BCAS3: variants seen among roughly 807,000 people sequenced by gnomAD.
BCAS3 encodes the protein BCAS4/BCAS3 fusion.
In BCAS3, 53 loss-of-function variants were observed where a neutral mutation model predicts 116.1. That is an observed-to-expected ratio of 0.46 (90% CI 0.37 to 0.57). BCAS3 has a LOEUF of 0.57. Among genes scored for constraint, BCAS3 ranks in the 20% least tolerant of loss-of-function variants. The probability of loss-of-function intolerance (pLI) is 0.00; values close to 1 mark genes in which losing one functional copy is unlikely to be tolerated. For missense variants in BCAS3, 917 were observed against 1,165.4 expected (o/e 0.79, Z 3.10); for synonymous variants, 391 against 408.2 (o/e 0.96, Z 0.51).
At position 61,379,332 on chromosome 17, in the gene BCAS3, G is replaced by A. The variant is rs1200540305; in HGVS notation, c.2593+10838G>A. 1 of 152,214 alleles carries A rather than the reference G, an allele frequency of 6.6e-6. No individual in the cohort carries two copies. The highest frequency in any genetic ancestry group is 1.5e-5 in the Non-Finnish European group (1 of 68,102). 9.4% of individuals were successfully genotyped at this position (152,214 alleles called of 1,614,324 possible). On this transcript the variant is annotated intron_variant, in intron 23 of 23. Transcript: ENST00000407086. The surrounding 1 kb of genome is among the most constrained non-coding windows in gnomAD (Gnocchi z 5.5). ...TCTGCCTTCTCGAAACATGGCCCGA[G>A]ATGTGGAGGCCACCCCCTGGATGTG...
intron 10 of BCAS3, among the ~76,000 whole-genome samples, chr17:60,892,961 A>G (rs1379707840): frequency 2.0e-5 from 3 of 152,128 alleles, no homozygotes; most frequent in African/African-American, 4.8e-5. Flanking sequence ...TTTCACTGGC[A>G]TAAGATGGTA....
chr17:60,982,363 G>C (rs542984515), intron 14 of BCAS3, among the ~76,000 whole-genome samples: 1 of 152,132 alleles, frequency 6.6e-6, no homozygotes, highest in African/African-American at 2.4e-5. Context: ...CTAGAGTACA[G>C]TGGCACAGTC....
Position 61,248,550 on chromosome 17 carries a change from A to G in BCAS3, c.2426-119777A>G, listed in dbSNP as rs1159943996. ...GGGTAATATACAAGATTAGAGTGCA[A>G]AGTCCATCTGGTGAGAATTTGTCTG... On this transcript the variant is annotated intron_variant, in intron 22 of 23. Transcript: ENST00000407086. This position sits in a 1 kb window ranked among gnomAD's most constrained non-coding sequence, Gnocchi z 4.3. 6.6e-6 allele frequency among the ~76,000 whole-genome samples: 1 copy of G among 152,236 alleles called. No individual in the cohort carries two copies. Among genetic ancestry groups the G allele is most frequent in the Non-Finnish European group, 1.5e-5 (1 of 68,018 alleles).
In BCAS3 at chr17:61,323,959, T is replaced by C. The variant is rs2055519948; in HGVS notation, c.2426-44368T>C. On this transcript the variant is annotated intron_variant, in intron 22 of 23. Coordinates refer to ENST00000407086, the MANE Select transcript of BCAS3 (RefSeq NM_017679.5). The surrounding 1 kb of genome is among the most constrained non-coding windows in gnomAD (Gnocchi z 4.6). ...GAAAATGATAGCTCATTGTCAAAGG[T>C]TGGGCGGGAGACGAGGTAAGAACTG... 6.6e-6 allele frequency among the ~76,000 whole-genome samples: 1 copy of C among 152,218 alleles called. No homozygotes were observed. Among genetic ancestry groups the C allele is most frequent in the African/African-American group, 2.4e-5 (1 of 41,456 alleles).
At chr17:60,912,503 G>A (rs562896263) in intron 12 of BCAS3, among the ~76,000 whole-genome samples, 70 of 152,114 alleles carry the variant, frequency 4.6e-4, no homozygotes, top group African/African-American at 1.7e-3. Context: ...TGAAATTCTG[G>A]ATTATTAAAT....
intron 6 of BCAS3, among the ~76,000 whole-genome samples, chr17:60,794,951 T>C (rs1037591388): frequency 2.0e-5 from 3 of 152,136 alleles, no homozygotes; most frequent in African/African-American, 2.4e-5. Context: ...GTGATGGTGG[T>C]ATTTTGATGG....
At chr17:61,137,641 C>T (rs571798569) in intron 22 of BCAS3, among the ~76,000 whole-genome samples, 8 of 152,288 alleles carry the variant, frequency 5.3e-5, no homozygotes, top group African/African-American at 1.7e-4. Context: ...TGGTGGCACA[C>T]GCCTGTAATC....
At chr17:60,822,934 C>T (rs2050085212) in intron 7 of BCAS3, among the ~76,000 whole-genome samples, 1 of 152,160 alleles carries the variant, frequency 6.6e-6, no homozygotes, top group African/African-American at 2.4e-5. Flanking sequence ...CCCAACCATC[C>T]TTACTCTCTC....
In BCAS3 at chr17:61,028,116, T is replaced by A. The variant is rs924269220; in HGVS notation, c.1638-6550T>A. Reference sequence around the variant, plus strand: ...TACACTAGAAAAAAACATTCCAACGTTTTTTCCTCTTGGACAGAAAGAAGC... The same window carrying A: ...TACACTAGAAAAAAACATTCCAACGATTTTTCCTCTTGGACAGAAAGAAGC... On this transcript the variant is annotated intron_variant, in intron 16 of 23. Transcript: ENST00000407086. The surrounding 1 kb of genome is among the most constrained non-coding windows in gnomAD (Gnocchi z 4.3). Among the ~76,000 whole-genome samples, 1 of 151,842 alleles carries A rather than the reference T, an allele frequency of 6.6e-6. No individual in the cohort carries two copies. Among genetic ancestry groups the A allele is most frequent in the Non-Finnish European group, 1.5e-5 (1 of 67,786 alleles).
Position 61,220,958 on chromosome 17 carries a change from G to T in BCAS3, c.2425+136394G>T, listed in dbSNP as rs2082075062. Among the ~76,000 whole-genome samples, 1 of 152,174 alleles carries T rather than the reference G, an allele frequency of 6.6e-6. No individual in the cohort carries two copies. ...TACTAAAAATACAAAAAATTAGCTG[G>T]GCATGGTGGCGGGCGCCTGTAGTCC... On this transcript the variant is annotated intron_variant, in intron 22 of 23. Coordinates refer to ENST00000407086, the MANE Select transcript of BCAS3 (RefSeq NM_017679.5). This position sits in a 1 kb window ranked among gnomAD's most constrained non-coding sequence, Gnocchi z 4.5.
chr17:60,788,461 A>G (rs924501520), intron 6 of BCAS3, among the ~76,000 whole-genome samples: 20 of 152,194 alleles, frequency 1.3e-4, no homozygotes, highest in Non-Finnish European at 8.8e-5. Context: ...GATACCTCAT[A>G]TATTTAACCT....
At chr17:61,328,240 A>G (rs1163177012) in intron 22 of BCAS3, among the ~76,000 whole-genome samples, 3 of 152,206 alleles carry the variant, frequency 2.0e-5, no homozygotes, top group Non-Finnish European at 2.9e-5. Context: ...CTATAGAGAA[A>G]GAAAAAACTA....
At chr17:61,089,475 CT>C (rs746515447) in intron 22 of BCAS3, among the ~76,000 whole-genome samples, 265 of 15,926 alleles carry the variant, frequency 0.017, no homozygotes, top group South Asian at 0.077. Context: ...GAAGAGTATT[CT>C]TTTTTTTTTT....
rs901464166 is a variant in BCAS3, at chr17:61,213,433, G to C, written c.2425+128869G>C. Among the ~76,000 whole-genome samples the C allele has an allele frequency of 2.0e-5, 3 of 152,118 alleles. No homozygotes were observed. Among genetic ancestry groups the C allele is most frequent in the African/African-American group, 7.2e-5 (3 of 41,430 alleles). ...TCCACCCGCCTCGACTTCCCAAAGT[G>C]CTGGGATTACAGGTGTGAGCCACCG... is the stretch of plus-strand genomic sequence containing the variant. On this transcript the variant is annotated intron_variant, in intron 22 of 23. Coordinates refer to ENST00000407086, the MANE Select transcript of BCAS3 (RefSeq NM_017679.5). This position sits in a 1 kb window ranked among gnomAD's most constrained non-coding sequence, Gnocchi z 5.4.
intron 12 of BCAS3, among the ~76,000 whole-genome samples, chr17:60,911,119 C>CT (rs1567849303): frequency 0.063 from 2,136 of 34,098 alleles, 175 homozygotes; most frequent in African/African-American, 0.19. Flanking sequence ...TTCTTTTTTT[C>CT]TTTCTTTTTT....
At chr17:61,334,671 A>AC (rs1568878991) in intron 22 of BCAS3, among the ~76,000 whole-genome samples, 81 of 143,872 alleles carry the variant, frequency 5.6e-4, no homozygotes, top group African/African-American at 1.8e-3. Flanking sequence ...TCTCAAAAAA[A>AC]AAAAAAAAAA....
chr17:61,132,548 G>A lies in BCAS3; in HGVS notation c.2425+47984G>A, dbSNP rs990994178. Among the ~76,000 whole-genome samples the A allele has an allele frequency of 5.3e-5, 8 of 152,088 alleles. No homozygotes were observed. The highest frequency in any genetic ancestry group is 2.1e-4 in the South Asian group (1 of 4,816). ...GGTAAGAATATAGATTGTTTGTGCC[G>A]GGCTTATACAATGGGTCTCTAAACT... On this transcript the variant is annotated intron_variant, in intron 22 of 23. Coordinates refer to ENST00000407086, the MANE Select transcript of BCAS3 (RefSeq NM_017679.5). The surrounding 1 kb of genome is among the most constrained non-coding windows in gnomAD (Gnocchi z 5.1).
rs146982159 is a variant in BCAS3, at chr17:61,236,764, T to TAA, written c.2426-131552_2426-131551dup. Reference sequence around the variant, plus strand: ...GTAAGTGGAGGGATGATGGAGAAGGTAAAAAAAAAAAAGGCTTTTTGGAGA... The same window carrying TAA: ...GTAAGTGGAGGGATGATGGAGAAGGTAAAAAAAAAAAAAAGGCTTTTTGGAGA... On this transcript the variant is annotated intron_variant, in intron 22 of 23. Coordinates refer to ENST00000407086, the MANE Select transcript of BCAS3 (RefSeq NM_017679.5). Among the ~76,000 whole-genome samples, 305 of 142,910 alleles carry TAA rather than the reference T, an allele frequency of 2.1e-3. 2 individuals are homozygous for TAA. Among genetic ancestry groups the TAA allele is most frequent in the Middle Eastern group, 7.5e-3 (2 of 268 alleles). 93.8% of individuals were successfully genotyped at this position (142,910 alleles called of 152,430 possible).
chr17:61,096,912 G>A (rs1214173419), intron 22 of BCAS3, among the ~76,000 whole-genome samples: 1 of 152,146 alleles, frequency 6.6e-6, no homozygotes, highest in African/African-American at 2.4e-5. Flanking sequence ...TCAAACTATA[G>A]CAGTATCAAA....
Sources: gnomAD v4.1 joint callset for allele counts (sites outside exome capture counted in the v4.1 genomes callset) on GRCh38, gnomAD v4.1.1 for gene constraint, Gnocchi (gnomAD v3.1) non-coding constraint, MANE v1.5 for transcripts, NCBI Gene and HGNC (gene_info 2026-07-23, HGNC 2026-07-21) for gene names.